Variants in PACS1 observed in about 807,000 individuals in gnomAD.
The protein encoded by PACS1 is phosphofurin acidic cluster sorting protein 1, also known as PACS-1.
In PACS1, 24 loss-of-function variants were observed where a neutral mutation model predicts 115.0. That is an observed-to-expected ratio of 0.21 (90% CI 0.15 to 0.29). The LOEUF (loss-of-function observed/expected upper bound fraction) is 0.29, where lower values mean the gene tolerates loss of function less well. Among genes scored for constraint, PACS1 ranks in the 10% least tolerant of loss-of-function variants. The pLI is 1.00. For missense variants in PACS1, 838 were observed against 1,251.2 expected (o/e 0.67, Z 4.98); for synonymous variants, 453 against 504.5 (o/e 0.90, Z 1.37).
intron 1 of PACS1, among the ~76,000 whole-genome samples, chr11:66,155,169 A>G (rs753495121): frequency 1.3e-5 from 2 of 152,196 alleles, no homozygotes; most frequent in African/African-American, 2.4e-5. Context: ...TTAAAACTAT[A>G]AAGCTTCTGG....
intron 1 of PACS1, among the ~76,000 whole-genome samples, chr11:66,084,803 CAG>C (rs770474039): frequency 6.6e-6 from 1 of 152,146 alleles, no homozygotes; most frequent in Non-Finnish European, 1.5e-5. Context: ...ATCTGTGTAA[CAG>C]AGCTCTTGAG....
intron 1 of PACS1, among the ~76,000 whole-genome samples, chr11:66,168,648 TA>T (rs1213352302): frequency 6.7e-6 from 1 of 150,284 alleles, no homozygotes; most frequent in African/African-American, 2.5e-5. Flanking sequence ...TTCTACTTCA[TA>T]GGGGCATATA....
At chr11:66,175,065 C>T (rs546110228) in intron 1 of PACS1, among the ~76,000 whole-genome samples, 4 of 151,920 alleles carry the variant, frequency 2.6e-5, no homozygotes, top group African/African-American at 7.2e-5. Context: ...GCAGGGTAAT[C>T]GCTTGAACCC....
Position 66,121,622 on chromosome 11 carries a change from G to A in PACS1, c.356+50780G>A, listed in dbSNP as rs186647138. ...TAAAAGTGCTACTCCAGTGAACTCCGGAATGCTAAGAAAGCAAAACAACCT... is the reference window on the plus strand; with the variant it reads ...TAAAAGTGCTACTCCAGTGAACTCCAGAATGCTAAGAAAGCAAAACAACCT... On this transcript the variant is annotated intron_variant, in intron 1 of 23. Coordinates refer to ENST00000320580, the MANE Select transcript of PACS1 (RefSeq NM_018026.4). 1.6e-4 allele frequency among the ~76,000 whole-genome samples: 24 copies of A among 152,302 alleles called. No individual in the cohort carries two copies. The East Asian group carries it at 3.7e-3, about 23-fold the overall frequency.
At chr11:66,213,221 C>T (rs529125017) in intron 4 of PACS1, among the ~76,000 whole-genome samples, 10 of 152,178 alleles carry the variant, frequency 6.6e-5, no homozygotes, top group Non-Finnish European at 1.2e-4. Flanking sequence ...CAGTTATGGA[C>T]CGTGGGTTCC....
At chr11:66,193,426 T>G in intron 1 of PACS1, 60 bp from the exon 2 acceptor site, 1 of 1,165,464 alleles carries the variant, frequency 8.6e-7, no homozygotes, top group Non-Finnish European at 1.3e-6. Context: ...AACCAATTGT[T>G]CATCACTTTT....
intron 5 of PACS1, 114 bp downstream of exon 5, chr11:66,216,377 A>C (rs1855209604): frequency 4.1e-6 from 6 of 1,459,124 alleles, no homozygotes; most frequent in Admixed American, 1.8e-5. Flanking sequence ...GACCCCTGAA[A>C]GTAAAATGTG....
At position 66,184,312 on chromosome 11, in the gene PACS1, C is replaced by CA. The variant is rs11309195; in HGVS notation, c.357-9148dup. Among the ~76,000 whole-genome samples, 241 of 56,028 alleles carry CA rather than the reference C, an allele frequency of 4.3e-3. 12 individuals are homozygous for CA. The highest frequency in any genetic ancestry group is 0.016 in the African/African-American group (210 of 13,246). 36.8% of individuals were successfully genotyped at this position (56,028 alleles called of 152,430 possible). A position where few individuals can be genotyped will look rare whatever the true frequency, so the allele number is the denominator to read the frequency against. ...TGGGTGACAGAGTGAGACCCTGTCT[C>CA]AAAAAAAAAAAAAAAAAAAAAAAAA... On this transcript the variant is annotated intron_variant, in intron 1 of 23. Coordinates refer to ENST00000320580, the MANE Select transcript of PACS1 (RefSeq NM_018026.4).
intron 4 of PACS1, among the ~76,000 whole-genome samples, chr11:66,212,906 C>G (rs181623979): frequency 1.7e-4 from 26 of 152,226 alleles, no homozygotes; most frequent in African/African-American, 6.0e-4. Flanking sequence ...CTGGAGTGCG[C>G]TGGCACAATC....
At chr11:66,080,872 GT>G (rs1163974741) in intron 1 of PACS1, among the ~76,000 whole-genome samples, 1 of 152,172 alleles carries the variant, frequency 6.6e-6, no homozygotes, top group Non-Finnish European at 1.5e-5. Context: ...TACTATTTGA[GT>G]GACTCTGGAC....
At chr11:66,080,047 A>G (rs796461175) in intron 1 of PACS1, among the ~76,000 whole-genome samples, 8 of 152,344 alleles carry the variant, frequency 5.3e-5, no homozygotes, top group African/African-American at 1.9e-4. Flanking sequence ...GAGTTTATAA[A>G]GCTACTTCAC....
intron 1 of PACS1, among the ~76,000 whole-genome samples, chr11:66,187,959 A>G (rs1457560203): frequency 1.3e-5 from 2 of 152,144 alleles, no homozygotes; most frequent in Non-Finnish European, 2.9e-5. Context: ...TTTTCTCTGC[A>G]TCCTCTCCAG....
chr11:66,125,966 G>C (rs1858561818), intron 1 of PACS1, among the ~76,000 whole-genome samples: 1 of 151,028 alleles, frequency 6.6e-6, no homozygotes, highest in Admixed American at 6.6e-5. Context: ...CTTGAGTCCA[G>C]GGAGCAGAGG....
At chr11:66,207,195 G>A (rs1450616588) in intron 2 of PACS1, among the ~76,000 whole-genome samples, 1 of 152,172 alleles carries the variant, frequency 6.6e-6, no homozygotes, top group Non-Finnish European at 1.5e-5. Flanking sequence ...GGCCAGACGC[G>A]GTGGCTCATG....
chr11:66,146,195 A>G (rs145903857), intron 1 of PACS1, among the ~76,000 whole-genome samples: 2 of 152,330 alleles, frequency 1.3e-5, no homozygotes, highest in African/African-American at 4.8e-5. Context: ...TAATCAGTCA[A>G]TAGAAACTGT....
At chr11:66,101,478 T>C (rs534430587) in intron 1 of PACS1, among the ~76,000 whole-genome samples, 1 of 152,210 alleles carries the variant, frequency 6.6e-6, no homozygotes, top group South Asian at 2.1e-4. Flanking sequence ...TCATTCTAAT[T>C]TGTTCTTTTT....
In PACS1 at chr11:66,235,563, C is replaced by T; in HGVS notation, c.2207+160C>T. The T allele has an allele frequency of 1.6e-6, 1 of 626,742 alleles. No homozygotes were observed. Among genetic ancestry groups the T allele is most frequent in the Non-Finnish European group, 2.8e-6 (1 of 353,070 alleles). The allele number at this position is 626,742 out of a possible 1,614,324, so 38.8% of individuals were successfully genotyped here. ...TTTTTACCACCACCTCCCCAGCACT[C>T]CTTCCTTGCCCAAGGCCTCCCACCC... On this transcript the variant is annotated intron_variant, in intron 18 of 23. Transcript: ENST00000320580. The surrounding 1 kb of genome is among the most constrained non-coding windows in gnomAD (Gnocchi z 5.6).
chr11:66,144,738 A>G (rs1457811956), intron 1 of PACS1, among the ~76,000 whole-genome samples: 1 of 152,228 alleles, frequency 6.6e-6, no homozygotes, highest in Non-Finnish European at 1.5e-5. Flanking sequence ...GGTTCAAGCA[A>G]TTCTCTTGCC....
intron 1 of PACS1, among the ~76,000 whole-genome samples, chr11:66,146,170 C>T (rs1859119586): frequency 6.6e-6 from 1 of 152,064 alleles, no homozygotes; most frequent in African/African-American, 2.4e-5. Flanking sequence ...AAGGGTGGTT[C>T]ATATTCAGGG....
Sources: allele counts gnomAD v4.1 joint callset (sites outside exome capture counted in the v4.1 genomes callset), GRCh38; gene constraint gnomAD v4.1.1; non-coding constraint Gnocchi (gnomAD v3.1); transcripts MANE v1.5; gene names NCBI Gene and HGNC (gene_info 2026-07-23, HGNC 2026-07-21).